The following XRCC4 variants were observed in gnomAD, a reference collection of about 807,000 sequenced individuals.
The protein encoded by XRCC4 is X-ray repair cross complementing 4, also known as DNA repair protein XRCC4.
In XRCC4, 28 loss-of-function variants were observed where a neutral mutation model predicts 39.1. That is an observed-to-expected ratio of 0.72 (90% CI 0.53 to 0.98). XRCC4 has a LOEUF of 0.98. Ranked by LOEUF, XRCC4 falls within the 50% of genes least tolerant of loss-of-function variation. XRCC4 has a pLI of 0.00. For missense variants in XRCC4, 350 were observed against 376.4 expected, an observed-to-expected ratio of 0.93 and a Z score of 0.58; for synonymous variants, 123 against 126.4, an observed-to-expected ratio of 0.97 and a Z score of 0.18.
intron 4 of XRCC4, 141 bp from the exon 5 acceptor site, chr5:83,203,411 A>G: frequency 1.6e-6 from 1 of 636,336 alleles, no homozygotes; most frequent in Middle Eastern, 4.5e-4. Context: ...CCATCTTTAT[A>G]AAACTTCCAA....
chr5:83,210,082 T>C (rs2112750657), intron 6 of XRCC4, among the ~76,000 whole-genome samples: 1 of 152,272 alleles, frequency 6.6e-6, no homozygotes, highest in Admixed American at 6.5e-5. Flanking sequence ...AGTTGATGAA[T>C]ACTGATATAG....
chr5:83,118,946 AG>A (rs1343646559), intron 3 of XRCC4, among the ~76,000 whole-genome samples: 2 of 152,318 alleles, frequency 1.3e-5, no homozygotes, highest in East Asian at 1.9e-4. Context: ...TAAAGGATAA[AG>A]TAAGTATCCT....
At chr5:83,124,587 C>T (rs1412249504) in intron 3 of XRCC4, among the ~76,000 whole-genome samples, 1 of 152,126 alleles carries the variant, frequency 6.6e-6, no homozygotes, top group African/African-American at 2.4e-5. Flanking sequence ...CTGCTTTGGA[C>T]ATTCATGTAC....
intron 3 of XRCC4, among the ~76,000 whole-genome samples, chr5:83,166,626 G>C (rs1749488980): frequency 6.7e-6 from 1 of 148,306 alleles, no homozygotes; most frequent in Non-Finnish European, 1.5e-5. Context: ...ACCACGCCTA[G>C]CTAATTTTTT....
At chr5:83,157,569 T>C (rs2112573121) in intron 3 of XRCC4, among the ~76,000 whole-genome samples, 1 of 152,114 alleles carries the variant, frequency 6.6e-6, no homozygotes, top group East Asian at 1.9e-4. Flanking sequence ...TAATTTATAA[T>C]TAATATTTCA....
At position 83,337,236 on chromosome 5, in the gene XRCC4, A is replaced by G. The variant is rs113319018; in HGVS notation, c.894-15895A>G. Among the ~76,000 whole-genome samples, 667 of 152,290 alleles carry G rather than the reference A, an allele frequency of 4.4e-3. 5 individuals carry two copies. Among genetic ancestry groups the G allele is most frequent in the African/African-American group, 0.015 (639 of 41,568 alleles). On this transcript the variant is annotated intron_variant, in intron 7 of 7. Transcript: ENST00000396027. Reference sequence around the variant, plus strand: ...GGAACTATTCTTAATTCTGAATGAAACAATTCTAAATCATTGTCCCTGTTC... The same window carrying G: ...GGAACTATTCTTAATTCTGAATGAAGCAATTCTAAATCATTGTCCCTGTTC...
chr5:83,151,357 A>G (rs928412859), intron 3 of XRCC4, among the ~76,000 whole-genome samples: 4 of 152,150 alleles, frequency 2.6e-5, no homozygotes, highest in African/African-American at 9.7e-5. Context: ...CCTCCTAGTA[A>G]AATAGGCTTA....
At chr5:83,355,745 T>A (rs1206562793), downstream of XRCC4, among the ~76,000 whole-genome samples, 2 of 152,210 alleles carry the variant, frequency 1.3e-5, no homozygotes, top group African/African-American at 4.8e-5. Context: ...GTTCAAGAGA[T>A]TCTTGTGCCT....
chr5:83,196,083 C>A, intron 4 of XRCC4, 147 bp downstream of exon 4: 1 of 768,468 alleles, frequency 1.3e-6, no homozygotes. Context: ...CGAAATTATT[C>A]ATCACTATTG....
chr5:83,085,012 C>T (rs1317524945), intron 1 of XRCC4, among the ~76,000 whole-genome samples: 1 of 152,224 alleles, frequency 6.6e-6, no homozygotes, highest in African/African-American at 2.4e-5. Context: ...CAAATATTAC[C>T]TGGAGGACAT....
Position 83,353,397 on chromosome 5 carries a change from A to G in XRCC4, c.*155A>G. The G allele has an allele frequency of 1.8e-6, 1 of 558,376 alleles. No homozygotes were observed. Among genetic ancestry groups the G allele is most frequent in the East Asian group, 3.1e-5 (1 of 32,058 alleles). 34.6% of individuals were successfully genotyped at this position (558,376 alleles called of 1,614,324 possible). A position where few individuals can be genotyped will look rare whatever the true frequency, so the allele number is the denominator to read the frequency against. On this transcript the variant is annotated 3_prime_UTR_variant, in exon 8 of 8. Coordinates refer to ENST00000396027, the MANE Select transcript of XRCC4 (RefSeq NM_003401.5). ...TTGAAACCATTGTGCAAAATGGATT[A>G]CACATGTATACAAAGATACGATTTG...
At chr5:83,097,673 A>G (rs192516391) in intron 1 of XRCC4, among the ~76,000 whole-genome samples, 3 of 152,236 alleles carry the variant, frequency 2.0e-5, no homozygotes, top group Admixed American at 6.5e-5. Flanking sequence ...AAGAAATCAT[A>G]ATTACTGAGT....
intron 4 of XRCC4, among the ~76,000 whole-genome samples, chr5:83,196,223 A>C (rs1750940776): frequency 6.6e-6 from 1 of 152,138 alleles, no homozygotes; most frequent in Non-Finnish European, 1.5e-5. Context: ...TTTAGGTAGT[A>C]AATATTTATT....
chr5:83,203,415 C>A, intron 4 of XRCC4, 137 bp from the exon 5 acceptor site: 1 of 663,342 alleles, frequency 1.5e-6, no homozygotes, highest in Non-Finnish European at 2.3e-6. Context: ...CTTTATAAAA[C>A]TTCCAAGTCA....
At chr5:83,086,255 T>C (rs1205666029) in intron 1 of XRCC4, among the ~76,000 whole-genome samples, 3 of 152,138 alleles carry the variant, frequency 2.0e-5, no homozygotes, top group Non-Finnish European at 4.4e-5. Flanking sequence ...AATATAGGGG[T>C]TAGGGATGCC....
At chr5:83,240,587 ATGCTTACATATTGAACTC>A (rs753884128) in intron 6 of XRCC4, among the ~76,000 whole-genome samples, 25 of 152,216 alleles carry the variant, frequency 1.6e-4, no homozygotes, top group Non-Finnish European at 2.9e-4. Flanking sequence ...ATGATGTAAA[ATGCTTACATATTGAACTC>A]TTACTTTGGG....
At chr5:83,163,375 T>C (rs1749312190) in intron 3 of XRCC4, among the ~76,000 whole-genome samples, 1 of 152,230 alleles carries the variant, frequency 6.6e-6, no homozygotes, top group Admixed American at 6.5e-5. Context: ...TGACCCATAG[T>C]TGTACAAACT....
At chr5:83,213,833 A>G (rs927025489) in intron 6 of XRCC4, among the ~76,000 whole-genome samples, 1 of 152,222 alleles carries the variant, frequency 6.6e-6, no homozygotes, top group African/African-American at 2.4e-5. Flanking sequence ...GCAAAAAGCA[A>G]CCAGCTCCAT....
chr5:83,186,266 T>C (rs1476190099), intron 3 of XRCC4, among the ~76,000 whole-genome samples: 2 of 152,170 alleles, frequency 1.3e-5, no homozygotes, highest in African/African-American at 2.4e-5. Context: ...GAATTGAATA[T>C]AGTAAAGGAG....
Sources: allele counts gnomAD v4.1 joint callset (sites outside exome capture counted in the v4.1 genomes callset), GRCh38; gene constraint gnomAD v4.1.1; transcripts MANE v1.5; gene names NCBI Gene and HGNC (gene_info 2026-07-23, HGNC 2026-07-21).